Variants in FRRS1 observed in about 807,000 individuals in gnomAD.
FRRS1 encodes the protein ferric chelate reductase 1.
FRRS1 carries 51 observed loss-of-function variants against 70.7 expected under a neutral mutation model. That is an observed-to-expected ratio of 0.72 (90% CI 0.58 to 0.91). The LOEUF (loss-of-function observed/expected upper bound fraction) is 0.91, where lower values mean the gene tolerates loss of function less well. Among genes scored for constraint, FRRS1 ranks in the 40% least tolerant of loss-of-function variants. The probability of loss-of-function intolerance (pLI) is 0.00; values close to 1 mark genes in which losing one functional copy is unlikely to be tolerated. For missense variants in FRRS1, 672 were observed against 726.0 expected (o/e 0.93, Z 0.86); for synonymous variants, 225 against 238.7 (o/e 0.94, Z 0.53).
Position 99,719,607 on chromosome 1 carries a change from A to G in FRRS1, c.1047T>C (p.Tyr349=), listed in dbSNP as rs372874869. Residue 349 remains tyrosine (Y), a synonymous_variant, in exon 10 of 17, where the codon TAT becomes TAC. Transcript: ENST00000646001. ...YKHSQQPLIT[Y]EKYDVTDSPK... ...GAGAGTCTGTCACATCATATTTTTC[A>G]TAGGTAATCAAAGGTTGCTGAGAGT... 1 of 1,611,376 alleles carries G rather than the reference A, an allele frequency of 6.2e-7. No individual in the cohort carries two copies. The highest frequency in any genetic ancestry group is 8.5e-7 in the Non-Finnish European group (1 of 1,177,812).
At chr1:99,738,652 A>G (rs959625661) in intron 6 of FRRS1, among the ~76,000 whole-genome samples, 5 of 152,210 alleles carry the variant, frequency 3.3e-5, no homozygotes, top group Non-Finnish European at 7.3e-5. Flanking sequence ...CTTAAATGAC[A>G]CTAACGTTCC....
intron 1 of FRRS1, among the ~76,000 whole-genome samples, chr1:99,752,658 C>A (rs991032700): frequency 6.6e-6 from 1 of 152,194 alleles, no homozygotes; most frequent in African/African-American, 2.4e-5. Context: ...CACCTGTAAT[C>A]CCCGCATTTT....
chr1:99,738,177 G>A lies in FRRS1; in HGVS notation c.668C>T (p.Ser223Phe), dbSNP rs1342309080. 2 of 1,612,628 alleles carry A rather than the reference G, an allele frequency of 1.2e-6. No individual in the cohort carries two copies. Among genetic ancestry groups the A allele is most frequent in the South Asian group, 1.1e-5 (1 of 91,040 alleles). Residue 223 changes from serine (S) to phenylalanine (F), a missense_variant, in exon 7 of 17, where the codon TCC becomes TTC. Ser to Phe is a radical substitution (Grantham distance 155, BLOSUM62 -2). Coordinates refer to ENST00000646001, the MANE Select transcript of FRRS1 (RefSeq NM_001361041.2). ...CACCGATTGGTCATCTCTTGTGAAG[G>A]ACAAGAAGACACAGGAAGCCTCCTT... ...PEKEASCVFL[S>F]FTRDDQSVMV...
intron 4 of FRRS1, among the ~76,000 whole-genome samples, chr1:99,743,053 T>G (rs1306973470): frequency 2.0e-5 from 3 of 152,208 alleles, no homozygotes; most frequent in Non-Finnish European, 2.9e-5. Context: ...GTCTTCAATA[T>G]TAAAACCCTT....
At chr1:99,745,455 G>A (rs1023069226) in intron 4 of FRRS1, among the ~76,000 whole-genome samples, 4 of 152,124 alleles carry the variant, frequency 2.6e-5, no homozygotes, top group East Asian at 3.9e-4. Context: ...AGGCCGAGGC[G>A]GGAGGATCAG....
chr1:99,728,749 C>G (rs7522921), intron 8 of FRRS1, 109 bp from the exon 9 acceptor site: 299,361 of 778,276 alleles, frequency 0.38, 68,269 homozygotes, highest in African/African-American at 0.86. Context: ...GATCGTATGT[C>G]CATGCTTTGT....
At chr1:99,742,043 T>C (rs1211870938) in intron 5 of FRRS1, 136 bp downstream of exon 5, 2 of 576,392 alleles carry the variant, frequency 3.5e-6, no homozygotes, top group East Asian at 2.8e-5. Context: ...TTTTTAGAGA[T>C]GGGGTTTCAC....
intron 10 of FRRS1, 129 bp from the exon 11 acceptor site, chr1:99,717,654 A>G: frequency 1.5e-6 from 1 of 650,892 alleles, no homozygotes; most frequent in Non-Finnish European, 2.8e-6. Context: ...AGTACAACCT[A>G]AAAAGATGCT....
chr1:99,708,068 T>G lies in FRRS1; in HGVS notation c.*960A>C, dbSNP rs1349512061. On this transcript the variant is annotated 3_prime_UTR_variant, in exon 17 of 17. Transcript: ENST00000646001. ...ATAAATAGTATCTTTAAGTAAAAGA[T>G]GCATACTTGCATTTCATTGCTAAGC... Among the ~76,000 whole-genome samples the G allele has an allele frequency of 6.6e-6, 1 of 152,230 alleles. No homozygotes were observed. Among genetic ancestry groups the G allele is most frequent in the Non-Finnish European group, 1.5e-5 (1 of 68,038 alleles).
intron 7 of FRRS1, among the ~76,000 whole-genome samples, chr1:99,735,056 A>G (rs1426307911): frequency 1.3e-5 from 2 of 152,260 alleles, no homozygotes; most frequent in African/African-American, 4.8e-5. Context: ...TATGTACAGT[A>G]CATCTTCACT....
At position 99,707,292 on chromosome 1, in the gene FRRS1, G is replaced by A. The variant is rs1654060599; in HGVS notation, c.*1736C>T. On this transcript the variant is annotated 3_prime_UTR_variant, in exon 17 of 17. Transcript: ENST00000646001. ...TGAAAAATATTAATAAAATAAAGAT[G>A]TAGGCTACATAGCTGAGGCTATTAT... Among the ~76,000 whole-genome samples the A allele has an allele frequency of 6.6e-6, 1 of 151,808 alleles. No individual in the cohort carries two copies. The highest frequency in any genetic ancestry group is 2.1e-4 in the South Asian group (1 of 4,814).
At chr1:99,761,172 G>A (rs1028603509) in intron 1 of FRRS1, among the ~76,000 whole-genome samples, 1 of 152,054 alleles carries the variant, frequency 6.6e-6, no homozygotes, top group African/African-American at 2.4e-5. Flanking sequence ...TGGCGCCCAG[G>A]ATGGAGAGCA....
intron 9 of FRRS1, among the ~76,000 whole-genome samples, chr1:99,719,853 T>C (rs556803912): frequency 9.7e-4 from 148 of 152,242 alleles, no homozygotes; most frequent in African/African-American, 3.5e-3. Flanking sequence ...TTAAAGAATG[T>C]AGCCAACCAA....
chr1:99,756,295 G>C (rs1426718110), intron 1 of FRRS1, among the ~76,000 whole-genome samples: 1 of 152,118 alleles, frequency 6.6e-6, no homozygotes, highest in Non-Finnish European at 1.5e-5. Flanking sequence ...AACCAAAAGA[G>C]CAGTTATCCT....
In FRRS1 at chr1:99,742,287, G is replaced by A; in HGVS notation, c.334-14C>T. On this transcript the variant is annotated splice_polypyrimidine_tract_variant and intron_variant, in intron 4 of 16. Coordinates refer to ENST00000646001, the MANE Select transcript of FRRS1 (RefSeq NM_001361041.2). ...CACTGCTGATCCCTGAAATAAAAGG[G>A]AAAAGAGCTACCATTCAGTCACTCA... 2.0e-6 allele frequency: 3 copies of A among 1,519,064 alleles called. No individual in the cohort carries two copies. Among genetic ancestry groups the A allele is most frequent in the Non-Finnish European group, 1.8e-6 (2 of 1,094,170 alleles). 94.1% of individuals were successfully genotyped at this position (1,519,064 alleles called of 1,614,324 possible).
intron 9 of FRRS1, among the ~76,000 whole-genome samples, chr1:99,728,277 G>C (rs367861640): frequency 2.0e-5 from 3 of 152,184 alleles, no homozygotes; most frequent in East Asian, 3.9e-4. Context: ...TTTTTGTCTT[G>C]AGCCGTGTTG....
At chr1:99,714,059 C>A (rs890863138) in intron 12 of FRRS1, among the ~76,000 whole-genome samples, 4 of 151,978 alleles carry the variant, frequency 2.6e-5, no homozygotes, top group Non-Finnish European at 4.4e-5. Context: ...ACGAGGAGGT[C>A]AGTTCAGAGA....
At chr1:99,747,625 C>G in intron 3 of FRRS1, 195 bp from the exon 4 acceptor site, 1 of 539,912 alleles carries the variant, frequency 1.9e-6, no homozygotes, top group Non-Finnish European at 3.2e-6. Flanking sequence ...GATATTCAAT[C>G]TGTGAGATAT....
At chr1:99,726,718 T>C (rs1455296839) in intron 9 of FRRS1, among the ~76,000 whole-genome samples, 2 of 152,198 alleles carry the variant, frequency 1.3e-5, no homozygotes, top group African/African-American at 2.4e-5. Context: ...ATGTTCCTTT[T>C]CTTTTTGAGA....
Sources: allele counts gnomAD v4.1 joint callset (sites outside exome capture counted in the v4.1 genomes callset), GRCh38; gene constraint gnomAD v4.1.1; transcripts MANE v1.5; gene names NCBI Gene and HGNC (gene_info 2026-07-23, HGNC 2026-07-21).